The following PAPPA variants were observed in gnomAD, a reference collection of about 807,000 sequenced individuals.
PAPPA encodes pappalysin-1.
Under a neutral mutation model 164.0 loss-of-function variants are expected in PAPPA, and 60 were observed. The observed-to-expected ratio is 0.37, with a 90% CI of 0.30 to 0.45. The LOEUF (loss-of-function observed/expected upper bound fraction) is 0.45. Ranked by LOEUF, PAPPA falls within the 20% of genes least tolerant of loss-of-function variation. PAPPA has a pLI of 1.00. For synonymous variants in PAPPA, 875 were observed against 814.1 expected (o/e 1.07, Z -1.27); for missense variants, 1,782 against 2,087.3 (o/e 0.85, Z 2.85).
chr9:116,375,998 GA>G (rs1460324810), intron 19 of PAPPA, among the ~76,000 whole-genome samples: 1 of 149,460 alleles, frequency 6.7e-6, no homozygotes, highest in Non-Finnish European at 1.5e-5. Flanking sequence ...CATCCATGGA[GA>G]ATAGAAAAGG....
At chr9:116,382,313 C>A in intron 20 of PAPPA, 82 bp from the exon 21 acceptor site, 1 of 837,162 alleles carries the variant, frequency 1.2e-6, no homozygotes, top group Non-Finnish European at 2.1e-6. Context: ...ATGACAGACA[C>A]CCGAAGGACT....
intron 1 of PAPPA, among the ~76,000 whole-genome samples, chr9:116,172,477 C>T (rs1050319422): frequency 6.6e-6 from 1 of 152,200 alleles, no homozygotes; most frequent in Non-Finnish European, 1.5e-5. Context: ...CCACAACCTC[C>T]TCCCCAGTGT....
intron 18 of PAPPA, among the ~76,000 whole-genome samples, chr9:116,363,339 CA>C (rs775299805): frequency 2.6e-4 from 40 of 152,132 alleles, no homozygotes; most frequent in Non-Finnish European, 2.9e-4. Flanking sequence ...CATCCTATTC[CA>C]AAGTCTGACT....
Position 116,220,011 on chromosome 9 carries a change from G to C in PAPPA, c.1993G>C (p.Gly665Arg). 1 of 1,614,050 alleles carries C rather than the reference G, an allele frequency of 6.2e-7. No individual in the cohort carries two copies. Among genetic ancestry groups the C allele is most frequent in the East Asian group, 2.2e-5 (1 of 44,866 alleles). ...MHCYLDLVYQ[G>R]WQPSRKPAPV... Reference sequence around the variant, plus strand: ...CTGTTACCTGGACCTGGTCTACCAGGGCTGGCAGCCCTCCAGGAAACCAGC... The same window carrying C: ...CTGTTACCTGGACCTGGTCTACCAGCGCTGGCAGCCCTCCAGGAAACCAGC... Residue 665 changes from glycine to arginine, a missense_variant, in exon 5 of 22, where the codon GGC becomes CGC. Gly to Arg is a moderately radical substitution (Grantham distance 125). Transcript: ENST00000328252.
intron 8 of PAPPA, among the ~76,000 whole-genome samples, chr9:116,266,340 C>T (rs183682251): frequency 2.6e-5 from 4 of 152,308 alleles, no homozygotes; most frequent in African/African-American, 9.6e-5. Context: ...GTTAACAGGA[C>T]ACAGTTCATC....
At chr9:116,165,317 T>C (rs1843708853) in intron 1 of PAPPA, among the ~76,000 whole-genome samples, 1 of 152,218 alleles carries the variant, frequency 6.6e-6, no homozygotes, top group Non-Finnish European at 1.5e-5. Context: ...CTACTGGAAA[T>C]GTTAGCACAT....
chr9:116,390,699 G>GC (rs1056988085), intron 21 of PAPPA, among the ~76,000 whole-genome samples: 1 of 57,674 alleles, frequency 1.7e-5, no homozygotes, highest in African/African-American at 5.8e-5. Flanking sequence ...GCCTCCCCCT[G>GC]CCCCCCGCTT....
chr9:116,260,465 C>T (rs981508798), intron 7 of PAPPA, among the ~76,000 whole-genome samples: 7 of 152,172 alleles, frequency 4.6e-5, no homozygotes, highest in African/African-American at 1.7e-4. Flanking sequence ...CCAGACATTA[C>T]CCTCTGGTTC....
chr9:116,163,330 G>A (rs555542960), intron 1 of PAPPA, among the ~76,000 whole-genome samples: 1 of 152,152 alleles, frequency 6.6e-6, no homozygotes, highest in Non-Finnish European at 1.5e-5. Context: ...TGAAAAGAGT[G>A]GTCAAGGGAG....
chr9:116,201,764 G>T (rs1844173859), intron 2 of PAPPA, among the ~76,000 whole-genome samples: 1 of 152,188 alleles, frequency 6.6e-6, no homozygotes, highest in Non-Finnish European at 1.5e-5. Context: ...GAAGAAGGAG[G>T]ATTTGAACGC....
intron 9 of PAPPA, chr9:116,287,375 G>A (rs932076025): frequency 6.6e-6 from 1 of 152,220 alleles, no homozygotes; most frequent in Non-Finnish European, 1.5e-5. Context: ...AGGTTAAACT[G>A]TGAATAAAGG....
intron 5 of PAPPA, among the ~76,000 whole-genome samples, chr9:116,221,137 A>G (rs1844441067): frequency 1.3e-5 from 2 of 152,152 alleles, no homozygotes; most frequent in Admixed American, 6.5e-5. Flanking sequence ...TAATGATACT[A>G]CAGTGGCTTG....
At chr9:116,185,434 T>C (rs947280299) in intron 1 of PAPPA, among the ~76,000 whole-genome samples, 9 of 152,204 alleles carry the variant, frequency 5.9e-5, no homozygotes, top group Non-Finnish European at 1.2e-4. Flanking sequence ...GAAGACTGTG[T>C]GGGCCTCCTC....
At chr9:116,238,721 C>G (rs537586170) in intron 7 of PAPPA, among the ~76,000 whole-genome samples, 1 of 152,276 alleles carries the variant, frequency 6.6e-6, no homozygotes, top group East Asian at 1.9e-4. Flanking sequence ...ATCGGCCTTC[C>G]TCTTCGAATC....
intron 1 of PAPPA, among the ~76,000 whole-genome samples, chr9:116,172,778 A>C: frequency 6.6e-6 from 1 of 152,082 alleles, no homozygotes; most frequent in East Asian, 1.9e-4. Context: ...GCTTGTTTCT[A>C]TGCCTTTTTT....
chr9:116,281,954 C>T (rs1479440632), intron 9 of PAPPA, among the ~76,000 whole-genome samples: 4 of 152,120 alleles, frequency 2.6e-5, no homozygotes, highest in Non-Finnish European at 2.9e-5. Flanking sequence ...TTATTCAAAG[C>T]GGGTGCTTAT....
At chr9:116,391,781 T>C (rs1846896406) in intron 21 of PAPPA, among the ~76,000 whole-genome samples, 1 of 152,164 alleles carries the variant, frequency 6.6e-6, no homozygotes, top group Admixed American at 6.5e-5. Flanking sequence ...AGCCACATGG[T>C]GCTGAGAATC....
intron 10 of PAPPA, among the ~76,000 whole-genome samples, chr9:116,310,929 G>A (rs190181000): frequency 1.3e-3 from 196 of 152,246 alleles, no homozygotes; most frequent in African/African-American, 4.5e-3. Context: ...TGTCAAGGAT[G>A]AGACAGTTGA....
intron 21 of PAPPA, among the ~76,000 whole-genome samples, chr9:116,385,779 C>T (rs958951785): frequency 2.0e-5 from 3 of 152,238 alleles, no homozygotes; most frequent in African/African-American, 7.2e-5. Flanking sequence ...TCATCCAATG[C>T]GGTGAATCTC....
Sources: allele counts gnomAD v4.1 joint callset (sites outside exome capture counted in the v4.1 genomes callset), GRCh38; gene constraint gnomAD v4.1.1; transcripts MANE v1.5; gene names NCBI Gene and HGNC (gene_info 2026-07-23, HGNC 2026-07-21).